Variants in PTPRD observed in about 807,000 individuals in gnomAD.
The protein encoded by PTPRD is protein tyrosine phosphatase receptor type D, also known as receptor-type tyrosine-protein phosphatase delta.
PTPRD carries 34 observed loss-of-function variants against 214.5 expected under a neutral mutation model. The observed-to-expected ratio is 0.16, with a 90% CI of 0.12 to 0.21. PTPRD has a LOEUF of 0.21. PTPRD is among the 10% of genes least tolerant of loss of function. The probability of loss-of-function intolerance (pLI) is 1.00; values close to 1 mark genes in which losing one functional copy is unlikely to be tolerated. For synonymous variants in PTPRD, 1,128 were observed against 845.7 expected, an observed-to-expected ratio of 1.33 and a Z score of -5.79; for missense variants, 2,545 against 2,398.7, an observed-to-expected ratio of 1.06 and a Z score of -1.27.
chr9:9,781,795 A>ATTTTTTTTTTTTT lies in PTPRD; in HGVS notation c.-367-14945_-367-14944insAAAAAAAAAAAAA, dbSNP rs142718064. ...TGACTAACATTTTTTGTCTGGACTC[A>ATTTTTTTTTTTTT]TATTTTTTTTTTTTTTAGACGGAGT... On this transcript the variant is annotated intron_variant, in intron 5 of 45. Coordinates refer to ENST00000381196, the MANE Select transcript of PTPRD (RefSeq NM_002839.4). Among the ~76,000 whole-genome samples the ATTTTTTTTTTTTT allele has an allele frequency of 1.4e-5, 2 of 147,282 alleles. 1 individual carries two copies. Among genetic ancestry groups the ATTTTTTTTTTTTT allele is most frequent in the Non-Finnish European group, 3.0e-5 (2 of 67,056 alleles).
chr9:10,028,622 A>C (rs1033416129), intron 4 of PTPRD, among the ~76,000 whole-genome samples: 1 of 152,154 alleles, frequency 6.6e-6, no homozygotes, highest in Non-Finnish European at 1.5e-5. Flanking sequence ...ATTTCTTACC[A>C]AAGAGACTGG....
At chr9:9,775,473 T>A (rs2098790254) in intron 5 of PTPRD, among the ~76,000 whole-genome samples, 1 of 152,208 alleles carries the variant, frequency 6.6e-6, no homozygotes, top group Admixed American at 6.5e-5. Flanking sequence ...TACAATCAAA[T>A]AATTAATTCA....
intron 5 of PTPRD, among the ~76,000 whole-genome samples, chr9:9,886,247 C>T (rs189760536): frequency 1.3e-4 from 20 of 152,056 alleles, no homozygotes; most frequent in East Asian, 9.7e-4. Flanking sequence ...GCTATATGCC[C>T]GTCACTGCTC....
intron 9 of PTPRD, among the ~76,000 whole-genome samples, chr9:9,321,936 T>C (rs1966787791): frequency 6.6e-6 from 1 of 152,182 alleles, no homozygotes; most frequent in Non-Finnish European, 1.5e-5. Context: ...ATCGCTCTCA[T>C]TAAAATATAC....
chr9:9,210,181 A>G (rs1412399745), intron 9 of PTPRD, among the ~76,000 whole-genome samples: 2 of 152,156 alleles, frequency 1.3e-5, no homozygotes, highest in African/African-American at 2.4e-5. Context: ...TGGAAAAGAG[A>G]GCCAGCATCT....
Position 8,748,522 on chromosome 9 carries a change from C to CAAAAAAAAAAA in PTPRD, c.-103-14587_-103-14577dup, listed in dbSNP as rs1239091825. 5.7e-3 allele frequency among the ~76,000 whole-genome samples: 208 copies of CAAAAAAAAAAA among 36,226 alleles called. 1 individual carries two copies. Among genetic ancestry groups the CAAAAAAAAAAA allele is most frequent in the Non-Finnish European group, 9.3e-3 (141 of 15,160 alleles). 23.8% of individuals were successfully genotyped at this position (36,226 alleles called of 152,430 possible). ...TTCACTCTATTAAATCCTGCAACTG[C>CAAAAAAAAAAA]AAAAAAAAAAAAAAAAAAGAAAAAG... is the stretch of plus-strand genomic sequence containing the variant. On this transcript the variant is annotated intron_variant, in intron 11 of 45. Coordinates refer to ENST00000381196, the MANE Select transcript of PTPRD (RefSeq NM_002839.4).
chr9:8,722,716 G>A (rs144024607), intron 12 of PTPRD, among the ~76,000 whole-genome samples: 5 of 152,160 alleles, frequency 3.3e-5, no homozygotes, highest in South Asian at 4.2e-4. Flanking sequence ...CAAATGTACC[G>A]TCCTTCACTA....
intron 3 of PTPRD, among the ~76,000 whole-genome samples, chr9:10,115,093 C>A (rs967363528): frequency 1.3e-5 from 2 of 150,794 alleles, no homozygotes; most frequent in East Asian, 2.0e-4. Flanking sequence ...GTGGCAAGGA[C>A]AAGGTTTAGG....
intron 7 of PTPRD, among the ~76,000 whole-genome samples, chr9:9,672,902 C>T (rs753551433): frequency 1.3e-5 from 2 of 152,014 alleles, no homozygotes; most frequent in Non-Finnish European, 2.9e-5. Context: ...TGCATTAATG[C>T]ATTTGTATTC....
intron 3 of PTPRD, among the ~76,000 whole-genome samples, chr9:10,295,566 C>CT (rs2095650704): frequency 5.3e-5 from 8 of 152,054 alleles, no homozygotes; most frequent in Admixed American, 5.3e-4. Context: ...CATTCACATA[C>CT]TTTTATTAAA....
intron 2 of PTPRD, among the ~76,000 whole-genome samples, chr9:10,362,333 G>T (rs970796902): frequency 9.5e-6 from 1 of 105,256 alleles, no homozygotes; most frequent in African/African-American, 4.2e-5. Context: ...CTCTGACAGA[G>T]AAATTTTTTT....
At chr9:9,339,920 T>C (rs2046118149) in intron 9 of PTPRD, among the ~76,000 whole-genome samples, 1 of 152,168 alleles carries the variant, frequency 6.6e-6, no homozygotes, top group Non-Finnish European at 1.5e-5. Context: ...ATATGAAGAC[T>C]CTTTTTTACA....
chr9:9,736,027 T>G (rs549606802), intron 6 of PTPRD, among the ~76,000 whole-genome samples: 3 of 152,126 alleles, frequency 2.0e-5, no homozygotes, highest in South Asian at 4.1e-4. Flanking sequence ...AGTGTATATG[T>G]ATATACAAAG....
intron 7 of PTPRD, among the ~76,000 whole-genome samples, chr9:9,600,239 G>T (rs664869): frequency 0.44 from 66,217 of 151,866 alleles, 15,078 homozygotes; most frequent in African/African-American, 0.52. Flanking sequence ...AGTGAACTTT[G>T]CAGTTGGAAC....
chr9:9,418,525 G>C (rs1357747442), intron 8 of PTPRD, among the ~76,000 whole-genome samples: 1 of 151,972 alleles, frequency 6.6e-6, no homozygotes, highest in Non-Finnish European at 1.5e-5. Flanking sequence ...CTAGTTATTA[G>C]CCTTGCAACT....
chr9:9,822,620 T>A (rs2051188595), intron 5 of PTPRD, among the ~76,000 whole-genome samples: 1 of 151,530 alleles, frequency 6.6e-6, no homozygotes, highest in Non-Finnish European at 1.5e-5. Context: ...TGTTATTTTT[T>A]AAAGATATTC....
chr9:10,450,288 CA>C (rs201340837), intron 2 of PTPRD, among the ~76,000 whole-genome samples: 5,734 of 151,294 alleles, frequency 0.038, 147 homozygotes, highest in African/African-American at 0.046. Context: ...AAATAAAAAA[CA>C]AAAAAAGATT....
intron 5 of PTPRD, among the ~76,000 whole-genome samples, chr9:9,775,309 A>C (rs1441325608): frequency 6.6e-6 from 1 of 152,182 alleles, no homozygotes; most frequent in Non-Finnish European, 1.5e-5. Context: ...CTGAAGCTGA[A>C]GGGCTGGTTC....
intron 2 of PTPRD, among the ~76,000 whole-genome samples, chr9:10,569,758 ACAATT>A (rs2066843274): frequency 6.6e-6 from 1 of 152,230 alleles, no homozygotes; most frequent in East Asian, 1.9e-4. Flanking sequence ...TCATGTGACC[ACAATT>A]CAATAGGTAA....
Sources: allele counts gnomAD v4.1 joint callset (sites outside exome capture counted in the v4.1 genomes callset), GRCh38; gene constraint gnomAD v4.1.1; transcripts MANE v1.5; gene names NCBI Gene and HGNC (gene_info 2026-07-23, HGNC 2026-07-21).